The following SYNE2 variants were observed in gnomAD, a reference collection of about 807,000 sequenced individuals.
The protein encoded by SYNE2 is spectrin repeat containing nuclear envelope protein 2, also known as nesprin-2.
SYNE2 carries 431 observed loss-of-function variants against 856.3 expected under a neutral mutation model. The observed-to-expected ratio is 0.50, with a 90% CI of 0.47 to 0.55. The LOEUF (loss-of-function observed/expected upper bound fraction) is 0.55. SYNE2 is among the 20% of genes least tolerant of loss of function. The pLI is 0.00. For missense variants in SYNE2, 8,129 were observed against 8,023.2 expected, an observed-to-expected ratio of 1.01 and a Z score of -0.50; for synonymous variants, 2,923 against 2,872.3, an observed-to-expected ratio of 1.02 and a Z score of -0.56.
At chr14:64,164,331 C>G (rs556570960) in intron 89 of SYNE2, among the ~76,000 whole-genome samples, 1 of 152,180 alleles carries the variant, frequency 6.6e-6, no homozygotes, top group East Asian at 1.9e-4. Flanking sequence ...AGGATGGTCT[C>G]AATCTCCTGA....
intron 1 of SYNE2, among the ~76,000 whole-genome samples, chr14:63,799,860 G>T (rs1301562460): frequency 1.1e-4 from 16 of 152,000 alleles, no homozygotes; most frequent in Admixed American, 9.8e-4. Context: ...TTTAGCCCTG[G>T]GATGGCATCT....
intron 18 of SYNE2, among the ~76,000 whole-genome samples, chr14:63,985,750 C>T (rs2096620664): frequency 1.3e-5 from 2 of 152,202 alleles, no homozygotes; most frequent in South Asian, 2.1e-4. Flanking sequence ...CATAGTGTCT[C>T]ATACCTGTAA....
At chr14:64,128,822 C>A (rs1025098276) in intron 74 of SYNE2, among the ~76,000 whole-genome samples, 1 of 152,158 alleles carries the variant, frequency 6.6e-6, no homozygotes, top group African/African-American at 2.4e-5. Flanking sequence ...AAATGAGACC[C>A]TCATCCTCTT....
chr14:63,979,954 A>G (rs1377627416), intron 14 of SYNE2, among the ~76,000 whole-genome samples: 1 of 152,140 alleles, frequency 6.6e-6, no homozygotes, highest in African/African-American at 2.4e-5. Flanking sequence ...CCAAGATTGT[A>G]AATTTTATTG....
At chr14:64,051,358 A>G (rs2097224903) in intron 47 of SYNE2, among the ~76,000 whole-genome samples, 199 bp from the exon 48 acceptor site, 1 of 151,180 alleles carries the variant, frequency 6.6e-6, no homozygotes, top group Non-Finnish European at 1.5e-5. Context: ...CTCATTTTAT[A>G]GGAGAGTTTT....
intron 1 of SYNE2, among the ~76,000 whole-genome samples, chr14:63,800,223 GT>G (rs1435269926): frequency 6.6e-6 from 1 of 151,804 alleles, no homozygotes; most frequent in Admixed American, 6.6e-5. Context: ...ATAATAATAG[GT>G]TTTTTGGTTT....
chr14:64,187,600 G>A (rs1008239971), intron 97 of SYNE2, among the ~76,000 whole-genome samples: 2 of 152,110 alleles, frequency 1.3e-5, no homozygotes, highest in Non-Finnish European at 1.5e-5. Context: ...TTTTTAACAC[G>A]TTTGGCTGGC....
intron 100 of SYNE2, among the ~76,000 whole-genome samples, chr14:64,205,934 C>T (rs893317403): frequency 6.6e-6 from 1 of 152,064 alleles, no homozygotes; most frequent in Non-Finnish European, 1.5e-5. Flanking sequence ...CACCTCAAAC[C>T]CCCTGAACCA....
intron 1 of SYNE2, among the ~76,000 whole-genome samples, chr14:63,799,048 G>T (rs1488400553): frequency 6.6e-6 from 1 of 152,136 alleles, no homozygotes; most frequent in Non-Finnish European, 1.5e-5. Flanking sequence ...CTGTATTTAG[G>T]AAACAAACAC....
In SYNE2 at chr14:64,051,833, T is replaced by G. The variant is rs770827141; in HGVS notation, c.7920T>G (p.Ile2640Met). ...TLMNKVQDTE[I>M]SLQQQQQHLQ... ...TGAATAAGGTACAGGACACTGAGAT[T>G]TCTCTGCAACAGCAGCAGCAACATC... Residue 2640 changes from isoleucine (I) to methionine (M), a missense_variant, in exon 48 of 116, where the codon ATT becomes ATG. By Grantham distance (10) the Ile-to-Met change is conservative. This residue lies in a region of SYNE2 where 5,410 missense variants were observed against 5,284.8 expected (regional missense o/e 1.02). Coordinates refer to ENST00000555002, the MANE Select transcript of SYNE2 (RefSeq NM_182914.3). The G allele has an allele frequency of 2.5e-6, 4 of 1,613,952 alleles. No homozygotes were observed. In the East Asian group the frequency reaches 8.9e-5, roughly 36 times the overall value.
intron 1 of SYNE2, among the ~76,000 whole-genome samples, chr14:63,855,360 G>A (rs1891440936): frequency 6.6e-6 from 1 of 152,150 alleles, no homozygotes; most frequent in South Asian, 2.1e-4. Context: ...CTCTCTGAGT[G>A]AATGGCAAAG....
At chr14:63,812,899 T>C (rs543324976) in intron 1 of SYNE2, among the ~76,000 whole-genome samples, 18 of 151,824 alleles carry the variant, frequency 1.2e-4, no homozygotes, top group African/African-American at 4.1e-4. Flanking sequence ...AATGTAAATT[T>C]TAAAAAAATT....
chr14:63,921,852 T>C (rs2095604799), intron 2 of SYNE2, among the ~76,000 whole-genome samples: 1 of 152,184 alleles, frequency 6.6e-6, no homozygotes, highest in Non-Finnish European at 1.5e-5. Context: ...GATAGGGTAG[T>C]AGCCATGGAT....
intron 90 of SYNE2, among the ~76,000 whole-genome samples, chr14:64,165,909 T>C (rs2153721666): frequency 6.6e-6 from 1 of 152,332 alleles, no homozygotes; most frequent in Non-Finnish European, 1.5e-5. Flanking sequence ...GGATCTCTTT[T>C]AGTAATACGT....
intron 54 of SYNE2, among the ~76,000 whole-genome samples, chr14:64,078,008 T>A (rs544227585): frequency 3.3e-5 from 5 of 152,128 alleles, no homozygotes; most frequent in Admixed American, 1.3e-4. Context: ...TACATTTTTT[T>A]AAAAAAGTCA....
intron 1 of SYNE2, among the ~76,000 whole-genome samples, chr14:63,826,337 G>C (rs955378924): frequency 6.6e-6 from 1 of 152,120 alleles, no homozygotes; most frequent in African/African-American, 2.4e-5. Flanking sequence ...GTCTCGCTCT[G>C]TTGCCAGTCA....
Position 63,949,807 on chromosome 14 carries a change from C to CT in SYNE2, c.409-17dup, listed in dbSNP as rs1271317071. 1.2e-6 allele frequency: 2 copies of CT among 1,613,950 alleles called. No individual in the cohort carries two copies. The highest frequency in any genetic ancestry group is 4.5e-5 in the East Asian group (2 of 44,876). Reference sequence around the variant, plus strand: ...ACTTATGCTTTTATAAACGTTAAGTCTACTTTGCCTTCCTTAGATTGAGAA... The same window carrying CT: ...ACTTATGCTTTTATAAACGTTAAGTCTTACTTTGCCTTCCTTAGATTGAGAA... On this transcript the variant is annotated splice_polypyrimidine_tract_variant and intron_variant, in intron 6 of 115. Coordinates refer to ENST00000555002, the MANE Select transcript of SYNE2 (RefSeq NM_182914.3).
intron 10 of SYNE2, among the ~76,000 whole-genome samples, chr14:63,965,488 C>T (rs1445787973): frequency 6.6e-6 from 1 of 152,152 alleles, no homozygotes; most frequent in Non-Finnish European, 1.5e-5. Context: ...AGTAGTTATT[C>T]CCTGTACAGT....
intron 6 of SYNE2, among the ~76,000 whole-genome samples, chr14:63,949,428 G>C (rs995382735): frequency 1.3e-5 from 2 of 151,928 alleles, no homozygotes; most frequent in Non-Finnish European, 2.9e-5. Context: ...TTTTCTATGT[G>C]TACATTTGTT....
Sources: gnomAD v4.1 joint callset for allele counts (sites outside exome capture counted in the v4.1 genomes callset) on GRCh38, gnomAD v4.1.1 for gene constraint, gnomAD v4.1.1 regional missense constraint, MANE v1.5 for transcripts, NCBI Gene and HGNC (gene_info 2026-07-23, HGNC 2026-07-21) for gene names.